ZFHX3: variants seen among roughly 807,000 people sequenced by gnomAD.
The protein encoded by ZFHX3 is zinc finger homeobox protein 3.
Under a neutral mutation model 279.1 loss-of-function variants are expected in ZFHX3, and 42 were observed. That is an observed-to-expected ratio of 0.15 (90% CI 0.12 to 0.19). ZFHX3 has a LOEUF of 0.19. ZFHX3 is among the 10% of genes least tolerant of loss of function. The probability of loss-of-function intolerance (pLI) is 1.00; values close to 1 mark genes in which losing one functional copy is unlikely to be tolerated. For missense variants in ZFHX3, 4,981 were observed against 4,754.0 expected (o/e 1.05, Z -1.40); for synonymous variants, 2,293 against 1,957.8 (o/e 1.17, Z -4.52).
intron 4 of ZFHX3, among the ~76,000 whole-genome samples, chr16:73,298,373 G>A (rs2014972799): frequency 6.6e-6 from 1 of 151,894 alleles, no homozygotes; most frequent in Admixed American, 6.6e-5. Context: ...TAGTAGAGAT[G>A]GGGTTTCTCC....
intron 5 of ZFHX3, among the ~76,000 whole-genome samples, chr16:73,236,513 G>A (rs1300585446): frequency 2.0e-5 from 3 of 152,124 alleles, no homozygotes; most frequent in African/African-American, 7.2e-5. Context: ...TTGCTGAATT[G>A]CTTGAGCCTG....
At position 73,324,490 on chromosome 16, in the gene ZFHX3, AT is replaced by A. The variant is rs1248461520; in HGVS notation, c.-1290-6155del. On this transcript the variant is annotated intron_variant, in intron 3 of 17. Transcript: ENST00000641206. ...GAAGATCATCAAGAGAGGAAGTGATATGGTAGTTTTCACAAAGCAAACTAAG... is the reference window on the plus strand; with the variant it reads ...GAAGATCATCAAGAGAGGAAGTGATAGGTAGTTTTCACAAAGCAAACTAAG... Among the ~76,000 whole-genome samples the A allele has an allele frequency of 2.6e-5, 4 of 152,194 alleles. No homozygotes were observed. In the East Asian group the frequency reaches 7.7e-4, roughly 29 times the overall value.
intron 4 of ZFHX3, among the ~76,000 whole-genome samples, chr16:72,855,630 G>C (rs1368863907): frequency 6.6e-6 from 1 of 152,176 alleles, no homozygotes; most frequent in Non-Finnish European, 1.5e-5. Flanking sequence ...TCTGGAAATC[G>C]AGAGAAACCT....
In ZFHX3 at chr16:73,104,422, G is replaced by A. The variant is rs145897550; in HGVS notation, c.-896-10824C>T. ...ATTTTTGTATTTTTGGTAGAGACAG[G>A]GTTTCACCATGTTGCCCAGAGTGGC... On this transcript the variant is annotated intron_variant, in intron 7 of 17. Coordinates refer to the ZFHX3 transcript ENST00000641206. Among the ~76,000 whole-genome samples the A allele has an allele frequency of 3.4e-3, 522 of 152,098 alleles. 4 individuals are homozygous for A. Among genetic ancestry groups the A allele is most frequent in the African/African-American group, 0.012 (479 of 41,496 alleles).
chr16:73,296,354 G>A (rs1482037565), intron 4 of ZFHX3, among the ~76,000 whole-genome samples: 1 of 152,100 alleles, frequency 6.6e-6, no homozygotes, highest in East Asian at 1.9e-4. Context: ...AAGGAAGGAT[G>A]GGAGAACTTT....
chr16:73,260,272 A>G (rs937636977), intron 4 of ZFHX3, among the ~76,000 whole-genome samples: 4 of 152,070 alleles, frequency 2.6e-5, no homozygotes, highest in Non-Finnish European at 4.4e-5. Context: ...TGGTGATGCC[A>G]TTTCGATTGC....
At chr16:73,331,209 C>T (rs1343370010) in intron 3 of ZFHX3, among the ~76,000 whole-genome samples, 7 of 152,142 alleles carry the variant, frequency 4.6e-5, no homozygotes, top group East Asian at 3.9e-4. Flanking sequence ...CATCAGATCT[C>T]GTGAGAACTC....
chr16:73,711,432 C>T (rs942845179), intron 1 of ZFHX3, among the ~76,000 whole-genome samples: 7 of 152,138 alleles, frequency 4.6e-5, no homozygotes, highest in African/African-American at 1.7e-4. Context: ...TTGTTATAAG[C>T]AAATAAGGCA....
intron 1 of ZFHX3, among the ~76,000 whole-genome samples, chr16:73,752,581 A>G (rs548407675): frequency 2.0e-5 from 3 of 152,178 alleles, no homozygotes; most frequent in South Asian, 2.1e-4. Context: ...GCAGCTATCA[A>G]TCCCAGCAGG....
intron 9 of ZFHX3, chr16:72,791,389 ATCTT>A (rs2035693889): frequency 6.6e-6 from 1 of 152,182 alleles, no homozygotes; most frequent in South Asian, 2.1e-4. Context: ...ATAAGAGCTT[ATCTT>A]TCTATCTCGA....
intron 2 of ZFHX3, among the ~76,000 whole-genome samples, chr16:73,534,064 C>T (rs2019852601): frequency 6.6e-6 from 1 of 152,158 alleles, no homozygotes; most frequent in Non-Finnish European, 1.5e-5. Flanking sequence ...TCAGATGGCT[C>T]CTCCTTTCAT....
rs1193362257 is a variant in ZFHX3, at chr16:72,788,617, G to A, written c.9659C>T (p.Pro3220Leu). The change falls in exon 10 of 10, where the codon CCC becomes CTC. Residue 3220 changes from proline to leucine, a missense_variant. By Grantham distance (98) the Pro-to-Leu change is moderately conservative (BLOSUM62 -3). This residue lies in a region of ZFHX3 where 1,034 missense variants were observed against 786.0 expected (regional missense o/e 1.32). Transcript: ENST00000268489. ...CTGTTGCAGTGGGAGCTGTGGTGTG[G>A]GTGGCGGCTGGGCTGCTGGCGGCGG... is the stretch of plus-strand genomic sequence containing the variant. ...PPPPPAAQPP[P>L]TPQLPLQQQQ... is the part of the protein sequence containing the mutation. The A allele has an allele frequency of 1.9e-6, 3 of 1,613,478 alleles. No homozygotes were observed. Among genetic ancestry groups the A allele is most frequent in the Admixed American group, 1.7e-5 (1 of 60,014 alleles).
At chr16:73,755,125 G>C (rs2053796654) in intron 1 of ZFHX3, among the ~76,000 whole-genome samples, 1 of 152,128 alleles carries the variant, frequency 6.6e-6, no homozygotes, top group Non-Finnish European at 1.5e-5. Flanking sequence ...TTTGAATCCA[G>C]GAAACTTGAC....
intron 2 of ZFHX3, among the ~76,000 whole-genome samples, chr16:73,650,987 A>C (rs958664347): frequency 1.3e-5 from 2 of 152,224 alleles, no homozygotes; most frequent in Non-Finnish European, 2.9e-5. Flanking sequence ...AGTTTATAAG[A>C]CACTTACGAT....
intron 3 of ZFHX3, among the ~76,000 whole-genome samples, chr16:73,441,888 A>G (rs1254471822): frequency 6.6e-6 from 1 of 152,244 alleles, no homozygotes; most frequent in African/African-American, 2.4e-5. Flanking sequence ...ACAGAAGCAC[A>G]AATACAAAAA....
At chr16:73,192,828 C>G (rs956870732) in intron 5 of ZFHX3, among the ~76,000 whole-genome samples, 1 of 152,154 alleles carries the variant, frequency 6.6e-6, no homozygotes, top group African/African-American at 2.4e-5. Flanking sequence ...ATTTCCTTCC[C>G]TCTCCTTTTT....
intron 1 of ZFHX3, among the ~76,000 whole-genome samples, chr16:73,838,414 T>G (rs1396136577): frequency 6.6e-6 from 1 of 152,218 alleles, no homozygotes; most frequent in Non-Finnish European, 1.5e-5. Context: ...TGGCTCCTCT[T>G]GCCAGCTCAA....
chr16:73,037,549 T>G (rs983611003), intron 1 of ZFHX3, among the ~76,000 whole-genome samples: 1 of 152,166 alleles, frequency 6.6e-6, no homozygotes, highest in Non-Finnish European at 1.5e-5. Context: ...AACCTGGGGC[T>G]TGGAGCTATA....
At chr16:73,585,862 A>C (rs1003794539) in intron 2 of ZFHX3, among the ~76,000 whole-genome samples, 1 of 152,206 alleles carries the variant, frequency 6.6e-6, no homozygotes, top group Non-Finnish European at 1.5e-5. Context: ...TGATTAACTT[A>C]TACGTAATTA....
Sources: allele counts gnomAD v4.1 joint callset (sites outside exome capture counted in the v4.1 genomes callset), GRCh38; gene constraint gnomAD v4.1.1; regional missense constraint gnomAD v4.1.1; transcripts MANE v1.5; gene names NCBI Gene and HGNC (gene_info 2026-07-23, HGNC 2026-07-21).